Variants in CFAP77 observed in about 807,000 individuals in gnomAD.
The protein encoded by CFAP77 is cilia and flagella associated protein 77.
CFAP77 carries 25 observed loss-of-function variants against 31.1 expected under a neutral mutation model. The observed-to-expected ratio is 0.80, with a 90% CI of 0.59 to 1.12. CFAP77 has a LOEUF of 1.12. Among genes scored for constraint, CFAP77 ranks in the 50% most tolerant of loss-of-function variants. The pLI is 0.00. For missense variants in CFAP77, 377 were observed against 397.3 expected (o/e 0.95, Z 0.44); for synonymous variants, 151 against 159.9 (o/e 0.94, Z 0.42).
intron 1 of CFAP77, among the ~76,000 whole-genome samples, chr9:132,449,092 T>C (rs557163665): frequency 6.6e-6 from 1 of 152,198 alleles, no homozygotes; most frequent in South Asian, 2.1e-4. Flanking sequence ...AGTCTGGAGG[T>C]CAGTTTACAA....
At chr9:132,468,217 G>A (rs113417469) in intron 1 of CFAP77, among the ~76,000 whole-genome samples, 13,108 of 152,154 alleles carry the variant, frequency 0.086, 568 homozygotes, top group Middle Eastern at 0.11. Flanking sequence ...CTGGTGGTGC[G>A]CACCAGTAGT....
chr9:132,505,259 C>T (rs1222491548), intron 3 of CFAP77, among the ~76,000 whole-genome samples: 2 of 152,206 alleles, frequency 1.3e-5, no homozygotes, highest in African/African-American at 2.4e-5. Context: ...GGGGTGCACC[C>T]CCTCTTCTCC....
chr9:132,554,464 T>G lies in CFAP77; in HGVS notation c.732+11417T>G, dbSNP rs932306586. ...TGATCCCCCACCTCAGCCTCCCAAG[T>G]AGTTGGGACTACAGGTGCACACCAC... On this transcript the variant is annotated intron_variant, in intron 5 of 5. Transcript: ENST00000393216. The surrounding 1 kb of genome is among the most constrained non-coding windows in gnomAD (Gnocchi z 4.1). Among the ~76,000 whole-genome samples, 2 of 152,010 alleles carry G rather than the reference T, an allele frequency of 1.3e-5. No homozygotes were observed. The highest frequency in any genetic ancestry group is 2.9e-5 in the Non-Finnish European group (2 of 67,994).
chr9:132,513,317 A>G (rs754856209), intron 3 of CFAP77: 1 of 1,548,792 alleles, frequency 6.5e-7, no homozygotes, highest in Non-Finnish European at 8.7e-7. Context: ...CCGTGAACCC[A>G]CTACCTGGAT....
chr9:132,456,905 C>A (rs910467992), intron 1 of CFAP77, among the ~76,000 whole-genome samples: 1 of 152,060 alleles, frequency 6.6e-6, no homozygotes, highest in Non-Finnish European at 1.5e-5. Flanking sequence ...TGTGCACCAC[C>A]GTGTCTGACT....
intron 5 of CFAP77, among the ~76,000 whole-genome samples, chr9:132,561,517 G>A (rs1829805333): frequency 6.6e-6 from 1 of 151,376 alleles, no homozygotes; most frequent in Admixed American, 6.6e-5. Flanking sequence ...TCAGGGACCT[G>A]GACTCAGAAA....
intron 1 of CFAP77, among the ~76,000 whole-genome samples, chr9:132,413,998 C>T (rs1850054995): frequency 6.6e-6 from 1 of 152,146 alleles, no homozygotes; most frequent in Non-Finnish European, 1.5e-5. Flanking sequence ...CAAGGCCCAG[C>T]GAGGGGAACA....
intron 1 of CFAP77, among the ~76,000 whole-genome samples, chr9:132,432,706 TTTTTG>T (rs759413134): frequency 2.7e-5 from 4 of 150,850 alleles, no homozygotes; most frequent in African/African-American, 7.3e-5. Context: ...TAATTTTCAT[TTTTTG>T]TTTTGTTTTG....
chr9:132,441,542 T>C (rs1287625118), intron 1 of CFAP77, among the ~76,000 whole-genome samples: 2 of 152,150 alleles, frequency 1.3e-5, no homozygotes, highest in Non-Finnish European at 2.9e-5. Context: ...CAACCACACA[T>C]AAGAAAACAT....
intron 1 of CFAP77, among the ~76,000 whole-genome samples, chr9:132,485,551 GC>G (rs761303125): frequency 3.9e-5 from 6 of 152,138 alleles, no homozygotes; most frequent in Non-Finnish European, 8.8e-5. Context: ...TCCTAATTAT[GC>G]CAGGCTCAGA....
At chr9:132,433,006 G>A (rs1270973826) in intron 1 of CFAP77, among the ~76,000 whole-genome samples, 2 of 152,000 alleles carry the variant, frequency 1.3e-5, no homozygotes, top group Admixed American at 1.3e-4. Context: ...GAGCCACCAA[G>A]CCCGGCCAAT....
chr9:132,475,505 G>A (rs914426840), intron 1 of CFAP77, among the ~76,000 whole-genome samples: 9 of 152,168 alleles, frequency 5.9e-5, no homozygotes, highest in East Asian at 5.8e-4. Flanking sequence ...GCCGATAATC[G>A]TCTCTGAATT....
chr9:132,432,588 G>C (rs1850429663), intron 1 of CFAP77, among the ~76,000 whole-genome samples: 1 of 150,854 alleles, frequency 6.6e-6, no homozygotes, highest in Non-Finnish European at 1.5e-5. Flanking sequence ...CTGGAGTGCA[G>C]TGGTGCGATC....
chr9:132,441,029 C>T (rs976933228), intron 1 of CFAP77, among the ~76,000 whole-genome samples: 1 of 152,190 alleles, frequency 6.6e-6, no homozygotes, highest in African/African-American at 2.4e-5. Flanking sequence ...TTTTCACCAT[C>T]ACCCTTCTCT....
chr9:132,415,950 TG>T (rs1850087657), intron 1 of CFAP77, among the ~76,000 whole-genome samples: 1 of 152,224 alleles, frequency 6.6e-6, no homozygotes, highest in Admixed American at 6.5e-5. Context: ...TTATATCAAA[TG>T]CTAACAATGG....
At chr9:132,562,846 C>T (rs762612504) in intron 5 of CFAP77, among the ~76,000 whole-genome samples, 9 of 151,482 alleles carry the variant, frequency 5.9e-5, no homozygotes, top group Admixed American at 1.3e-4. Flanking sequence ...ATTGCAGACA[C>T]GCACCACCAC....
At chr9:132,427,621 AAAC>A (rs1039784911) in intron 1 of CFAP77, among the ~76,000 whole-genome samples, 4 of 152,114 alleles carry the variant, frequency 2.6e-5, no homozygotes, top group African/African-American at 4.8e-5. Context: ...TCTCAAAAAA[AAAC>A]AACAACAAAA....
chr9:132,536,743 C>T (rs780559597), intron 3 of CFAP77, among the ~76,000 whole-genome samples: 4 of 152,100 alleles, frequency 2.6e-5, no homozygotes, highest in African/African-American at 9.7e-5. Flanking sequence ...TTGGATATTC[C>T]GTCTCTCAAC....
chr9:132,419,670 C>T (rs1177600635), intron 1 of CFAP77, among the ~76,000 whole-genome samples: 5 of 152,090 alleles, frequency 3.3e-5, no homozygotes, highest in Non-Finnish European at 5.9e-5. Flanking sequence ...TCTTTAAGAG[C>T]CAAGATATTG....
Sources: gnomAD v4.1 joint callset for allele counts (sites outside exome capture counted in the v4.1 genomes callset) on GRCh38, gnomAD v4.1.1 for gene constraint, Gnocchi (gnomAD v3.1) non-coding constraint, MANE v1.5 for transcripts, NCBI Gene and HGNC (gene_info 2026-07-23, HGNC 2026-07-21) for gene names.